PRMT3: variants seen among roughly 807,000 people sequenced by gnomAD.
PRMT3 encodes protein arginine N-methyltransferase 3.
PRMT3 carries 62 observed loss-of-function variants against 71.9 expected under a neutral mutation model. That is an observed-to-expected ratio of 0.86 (90% CI 0.70 to 1.07). The LOEUF (loss-of-function observed/expected upper bound fraction) is 1.07, where lower values mean the gene tolerates loss of function less well. PRMT3 is among the 50% of genes least tolerant of loss of function. The pLI, the probability that PRMT3 is intolerant of heterozygous loss-of-function variation, is 0.00. For synonymous variants in PRMT3, 213 were observed against 220.4 expected (o/e 0.97, Z 0.30); for missense variants, 663 against 643.0 (o/e 1.03, Z -0.34).
At chr11:20,409,145 T>G (rs1473161350) in intron 9 of PRMT3, among the ~76,000 whole-genome samples, 1 of 152,144 alleles carries the variant, frequency 6.6e-6, no homozygotes, top group Non-Finnish European at 1.5e-5. Flanking sequence ...TCTGATTAGT[T>G]TAAAAATTTA....
rs761404245 is a variant in PRMT3, at chr11:20,493,902, C to CT, written c.1348-10dup. 2.2e-4 allele frequency: 343 copies of CT among 1,528,950 alleles called. 1 individual carries two copies. The highest frequency in any genetic ancestry group is 2.9e-4 in the Non-Finnish European group (326 of 1,112,490). 94.7% of individuals were successfully genotyped at this position (1,528,950 alleles called of 1,614,324 possible). A position where few individuals can be genotyped will look rare whatever the true frequency, so the allele number is the denominator to read the frequency against. On this transcript the variant is annotated splice_polypyrimidine_tract_variant and intron_variant, in intron 13 of 15. Coordinates refer to ENST00000331079, the MANE Select transcript of PRMT3 (RefSeq NM_005788.4). ...ATTCATTTAGTAAGCATTTATATTT[C>CT]TTTTTTTAAAAAACAGGCAATTGCT...
At chr11:20,417,232 T>G (rs1011498339) in intron 9 of PRMT3, among the ~76,000 whole-genome samples, 1 of 152,194 alleles carries the variant, frequency 6.6e-6, no homozygotes, top group Non-Finnish European at 1.5e-5. Context: ...ATCAGTGTCT[T>G]ACATTTTACG....
chr11:20,407,951 T>A lies in PRMT3; in HGVS notation c.812T>A (p.Met271Lys). Residue 271 changes from methionine (M) to lysine (K), a missense_variant, in exon 9 of 16, where the codon ATG (methionine) becomes AAG (lysine). By Grantham distance (95) the Met-to-Lys change is moderately conservative. Transcript: ENST00000331079. ...GGGTGTGGAACTGGAATTCTCTCTA[T>A]GTTTGCTGCTAAAGCTGGGGCGAAG... ...DVGCGTGILS[M>K]FAAKAGAKKV... 1 of 1,611,068 alleles carries A rather than the reference T, an allele frequency of 6.2e-7. No individual in the cohort carries two copies. The highest frequency in any genetic ancestry group is 8.5e-7 in the Non-Finnish European group (1 of 1,177,350).
chr11:20,455,975 G>A lies in PRMT3; in HGVS notation c.1072+3767G>A, dbSNP rs1590077350. On this transcript the variant is annotated intron_variant, in intron 11 of 15. Coordinates refer to ENST00000331079, the MANE Select transcript of PRMT3 (RefSeq NM_005788.4). Reference sequence around the variant, plus strand: ...AAGGAAACATAGGTTTATAAACTTGGAGGAAGGGAGTCTTTCTAAGTAAGA... The same window carrying A: ...AAGGAAACATAGGTTTATAAACTTGAAGGAAGGGAGTCTTTCTAAGTAAGA... 2.6e-5 allele frequency among the ~76,000 whole-genome samples: 4 copies of A among 152,120 alleles called. No homozygotes were observed. The South Asian group carries it at 8.3e-4, about 31-fold the overall frequency.
intron 7 of PRMT3, among the ~76,000 whole-genome samples, chr11:20,399,945 A>G (rs1848913194): frequency 2.6e-5 from 4 of 152,206 alleles, no homozygotes; most frequent in African/African-American, 9.6e-5. Flanking sequence ...TGTGCAGTGT[A>G]ATTTCCTCCC....
intron 10 of PRMT3, among the ~76,000 whole-genome samples, chr11:20,441,383 G>A (rs1849896998): frequency 6.6e-6 from 1 of 151,650 alleles, no homozygotes; most frequent in Non-Finnish European, 1.5e-5. Context: ...TCGGCTCACT[G>A]CAAGCTCCGC....
rs140085962 is a variant in PRMT3, at chr11:20,473,395, C to T, written c.1347+8849C>T. Among the ~76,000 whole-genome samples, 507 of 152,154 alleles carry T rather than the reference C, an allele frequency of 3.3e-3. 3 individuals are homozygous for T. The highest frequency in any genetic ancestry group is 6.8e-3 in the Middle Eastern group (2 of 294). ...GCTATATATTTCCCTCTTAACACTG[C>T]GTTAGCTGTGTCCCAGTGATTCTGG... On this transcript the variant is annotated intron_variant, in intron 13 of 15. Coordinates refer to ENST00000331079, the MANE Select transcript of PRMT3 (RefSeq NM_005788.4).
chr11:20,504,213 T>C (rs1851524550), intron 15 of PRMT3, among the ~76,000 whole-genome samples: 1 of 152,228 alleles, frequency 6.6e-6, no homozygotes, highest in Admixed American at 6.5e-5. Context: ...TTTTCCCAAA[T>C]GTATATTCAC....
At chr11:20,458,304 T>C (rs991267222) in intron 11 of PRMT3, among the ~76,000 whole-genome samples, 5 of 152,216 alleles carry the variant, frequency 3.3e-5, no homozygotes, top group Admixed American at 2.0e-4. Context: ...TGTTTCTTTA[T>C]GCATCTCTAT....
rs1851672323 is a variant in PRMT3, at chr11:20,509,318, A to AAAAT, written c.*907_*910dup. 2 of 152,152 alleles carry AAAAT rather than the reference A, an allele frequency of 1.3e-5. No individual in the cohort carries two copies. Among genetic ancestry groups the AAAAT allele is most frequent in the Admixed American group, 1.3e-4 (2 of 15,278 alleles). The allele number at this position is 152,152 out of a possible 1,614,324, so 9.4% of individuals were successfully genotyped here. A position where few individuals can be genotyped will look rare whatever the true frequency, so the allele number is the denominator to read the frequency against. ...TATTGATATTATAAAAGTTTTCAAT[A>AAAAT]AAATATATCAAACAACATTATAAAA... On this transcript the variant is annotated 3_prime_UTR_variant, in exon 16 of 16. Coordinates refer to ENST00000331079, the MANE Select transcript of PRMT3 (RefSeq NM_005788.4).
intron 11 of PRMT3, among the ~76,000 whole-genome samples, chr11:20,456,525 T>C (rs1413653148): frequency 6.6e-6 from 1 of 152,214 alleles, no homozygotes; most frequent in African/African-American, 2.4e-5. Flanking sequence ...TGTGAGTCTA[T>C]TTTTGTGTTC....
At chr11:20,426,655 A>G (rs1849552456) in intron 9 of PRMT3, 111 bp from the exon 10 acceptor site, 4 of 1,115,504 alleles carry the variant, frequency 3.6e-6, no homozygotes, top group African/African-American at 3.3e-5. Context: ...GCTTTGATTG[A>G]AATACTTTTT....
At chr11:20,422,090 CAT>C (rs1207208782) in intron 9 of PRMT3, among the ~76,000 whole-genome samples, 7 of 152,252 alleles carry the variant, frequency 4.6e-5, no homozygotes, top group South Asian at 4.1e-4. Context: ...GATTAGTTGT[CAT>C]ACCACCTGGA....
chr11:20,392,306 A>G (rs1216670551), intron 4 of PRMT3, 46 bp downstream of exon 4: 6 of 1,517,942 alleles, frequency 4.0e-6, no homozygotes, highest in Non-Finnish European at 5.4e-6. Context: ...AATCAAAGAA[A>G]TGCTACAGTG....
chr11:20,401,254 T>C (rs1848941932), intron 7 of PRMT3, among the ~76,000 whole-genome samples: 3 of 152,206 alleles, frequency 2.0e-5, no homozygotes, highest in Non-Finnish European at 4.4e-5. Context: ...ATGTTCACTC[T>C]GTGTAAGTTT....
intron 13 of PRMT3, 126 bp downstream of exon 13, chr11:20,464,672 C>T (rs777259853): frequency 5.6e-6 from 8 of 1,419,552 alleles, no homozygotes; most frequent in Non-Finnish European, 6.5e-6. Context: ...CTACCATTGC[C>T]TTTGCTAGGC....
At chr11:20,494,368 T>C (rs1851285616) in intron 15 of PRMT3, 114 bp downstream of exon 15, 2 of 910,424 alleles carry the variant, frequency 2.2e-6, no homozygotes, top group Non-Finnish European at 1.7e-6. Flanking sequence ...AGACGGAGTC[T>C]CGCTGTCTCA....
chr11:20,408,424 C>G (rs1269491826), intron 9 of PRMT3, among the ~76,000 whole-genome samples: 1 of 152,008 alleles, frequency 6.6e-6, no homozygotes, highest in Non-Finnish European at 1.5e-5. Flanking sequence ...ATACTAAAGA[C>G]TAAGAGTTAT....
At chr11:20,501,593 A>G (rs1851459046) in intron 15 of PRMT3, among the ~76,000 whole-genome samples, 1 of 152,210 alleles carries the variant, frequency 6.6e-6, no homozygotes, top group African/African-American at 2.4e-5. Flanking sequence ...ATAAAAATAA[A>G]TGAAGCTATG....
Sources: allele counts gnomAD v4.1 joint callset (sites outside exome capture counted in the v4.1 genomes callset), GRCh38; gene constraint gnomAD v4.1.1; transcripts MANE v1.5; gene names NCBI Gene and HGNC (gene_info 2026-07-23, HGNC 2026-07-21).